The following AOAH variants were observed in gnomAD, a reference collection of about 807,000 sequenced individuals.
AOAH encodes the protein acyloxyacyl hydrolase (neutrophil).
In AOAH, 64 loss-of-function variants were observed where a neutral mutation model predicts 92.2. The ratio of observed to expected loss-of-function variants is 0.69; its 90% CI spans 0.57 to 0.86. AOAH has a LOEUF of 0.86. Among genes scored for constraint, AOAH ranks in the 40% least tolerant of loss-of-function variants. The pLI is 0.00. For synonymous variants in AOAH, 263 were observed against 254.5 expected, an observed-to-expected ratio of 1.03 and a Z score of -0.32; for missense variants, 656 against 694.6, an observed-to-expected ratio of 0.94 and a Z score of 0.62.
intron 8 of AOAH, among the ~76,000 whole-genome samples, chr7:36,621,327 AG>A (rs1475719627): frequency 2.6e-5 from 4 of 152,212 alleles, no homozygotes; most frequent in African/African-American, 9.6e-5. Context: ...TTACTCCCGG[AG>A]GGAGAGGCCA....
At chr7:36,647,542 T>C (rs987962718) in intron 4 of AOAH, among the ~76,000 whole-genome samples, 3 of 152,230 alleles carry the variant, frequency 2.0e-5, no homozygotes, top group Non-Finnish European at 4.4e-5. Flanking sequence ...AGAAATACCT[T>C]CCTTGGAATA....
chr7:36,716,989 T>C (rs1799232314), intron 1 of AOAH, among the ~76,000 whole-genome samples: 2 of 150,186 alleles, frequency 1.3e-5, no homozygotes, highest in African/African-American at 2.4e-5. Context: ...AATAAATAAA[T>C]AAATAAATAA....
chr7:36,665,486 G>C (rs1795475040), intron 3 of AOAH, among the ~76,000 whole-genome samples: 1 of 149,874 alleles, frequency 6.7e-6, no homozygotes, highest in Non-Finnish European at 1.5e-5. Flanking sequence ...CATGTCACCT[G>C]AGAACAAAGT....
intron 13 of AOAH, among the ~76,000 whole-genome samples, chr7:36,571,190 G>A (rs1001459765): frequency 2.0e-5 from 3 of 152,200 alleles, no homozygotes; most frequent in Admixed American, 6.5e-5. Flanking sequence ...GTCTCAAAGA[G>A]TGAAATATAC....
intron 12 of AOAH, among the ~76,000 whole-genome samples, chr7:36,581,359 T>C (rs908855661): frequency 5.9e-5 from 9 of 152,334 alleles, no homozygotes; most frequent in Admixed American, 5.9e-4. Context: ...CTTGGACAAA[T>C]TCATTTACTG....
intron 2 of AOAH, among the ~76,000 whole-genome samples, chr7:36,682,558 T>C (rs1284179070): frequency 6.6e-6 from 1 of 152,062 alleles, no homozygotes; most frequent in Non-Finnish European, 1.5e-5. Context: ...TAAGATATTA[T>C]TTCTAAACAT....
intron 19 of AOAH, among the ~76,000 whole-genome samples, chr7:36,524,442 C>T (rs912129610): frequency 1.3e-5 from 2 of 150,470 alleles, no homozygotes; most frequent in African/African-American, 2.5e-5. Flanking sequence ...GTCAGGCATT[C>T]GAGACCAGCC....
At chr7:36,513,808 C>T (rs1319483345) in intron 20 of AOAH, among the ~76,000 whole-genome samples, 4 of 152,184 alleles carry the variant, frequency 2.6e-5, no homozygotes, top group African/African-American at 9.6e-5. Context: ...GAGAACATGG[C>T]CTGGATGCCA....
intron 2 of AOAH, among the ~76,000 whole-genome samples, chr7:36,677,019 G>A (rs932751459): frequency 6.6e-6 from 1 of 151,982 alleles, no homozygotes; most frequent in Non-Finnish European, 1.5e-5. Flanking sequence ...CTTTGGGTTA[G>A]GCAACGTTTT....
rs116232188 is a variant in AOAH, at chr7:36,584,831, C to G, written c.939-8175G>C. On this transcript the variant is annotated intron_variant, in intron 12 of 20. Coordinates refer to ENST00000617537, the MANE Select transcript of AOAH (RefSeq NM_001637.4). ...TTGATTTAGATAATCTGACAAAATG[C>G]ACATGAAGGAGGTTTGCAGATTGTA... Among the ~76,000 whole-genome samples, 688 of 152,202 alleles carry G rather than the reference C, an allele frequency of 4.5e-3. 3 individuals are homozygous for G. Among genetic ancestry groups the G allele is most frequent in the African/African-American group, 0.016 (656 of 41,532 alleles).
chr7:36,517,214 C>CTTTTTTTCTT (rs59205788), intron 20 of AOAH, among the ~76,000 whole-genome samples: 1 of 104,830 alleles, frequency 9.5e-6, no homozygotes, highest in African/African-American at 4.0e-5. Context: ...TTCTTTCTTT[C>CTTTTTTTCTT]TCTTTCTTTC....
intron 12 of AOAH, among the ~76,000 whole-genome samples, chr7:36,592,943 A>G (rs1238491669): frequency 2.0e-5 from 3 of 151,996 alleles, no homozygotes. Flanking sequence ...GGCTTTCCCT[A>G]TATTGGCAGA....
At chr7:36,626,023 G>A (rs1383999980) in intron 6 of AOAH, among the ~76,000 whole-genome samples, 3 of 152,212 alleles carry the variant, frequency 2.0e-5, no homozygotes, top group African/African-American at 7.2e-5. Context: ...CTTAAGAAAA[G>A]TTTTGGAAAA....
chr7:36,515,560 T>C (rs1583701302), intron 20 of AOAH, among the ~76,000 whole-genome samples: 2 of 51,682 alleles, frequency 3.9e-5, no homozygotes, highest in Admixed American at 2.8e-4. Context: ...CACACACACA[T>C]AATCACACCC....
At chr7:36,597,098 G>C (rs550118260) in intron 11 of AOAH, among the ~76,000 whole-genome samples, 2 of 152,178 alleles carry the variant, frequency 1.3e-5, no homozygotes, top group African/African-American at 2.4e-5. Flanking sequence ...AGCACGGTAG[G>C]GGCTGGAAGA....
At chr7:36,687,725 C>A (rs1032687640) in intron 1 of AOAH, among the ~76,000 whole-genome samples, 2 of 152,172 alleles carry the variant, frequency 1.3e-5, no homozygotes, top group African/African-American at 2.4e-5. Flanking sequence ...TTCCAAGGAG[C>A]CTGGGCCAGC....
chr7:36,514,772 G>C (rs1407065070), intron 20 of AOAH: 1 of 559,108 alleles, frequency 1.8e-6, no homozygotes, highest in African/African-American at 1.9e-5. Flanking sequence ...TTCCCCACAG[G>C]GCAGCTCACA....
At chr7:36,528,416 C>T (rs1784514057) in intron 19 of AOAH, among the ~76,000 whole-genome samples, 2 of 152,156 alleles carry the variant, frequency 1.3e-5, no homozygotes, top group South Asian at 2.1e-4. Context: ...CAGTGGAATT[C>T]TGGACAGACA....
intron 20 of AOAH, among the ~76,000 whole-genome samples, chr7:36,521,576 G>T (rs1366178881): frequency 6.6e-6 from 1 of 152,026 alleles, no homozygotes; most frequent in African/African-American, 2.4e-5. Flanking sequence ...TAAGGACATT[G>T]TTCTCCTCCT....
Sources: gnomAD v4.1 joint callset for allele counts (sites outside exome capture counted in the v4.1 genomes callset) on GRCh38, gnomAD v4.1.1 for gene constraint, MANE v1.5 for transcripts, NCBI Gene and HGNC (gene_info 2026-07-23, HGNC 2026-07-21) for gene names.